Variants in NSUN3 observed in about 807,000 individuals in gnomAD.
NSUN3 encodes tRNA (cytosine(34)-C(5))-methyltransferase, mitochondrial.
Under a neutral mutation model 36.8 loss-of-function variants are expected in NSUN3, and 24 were observed. That is an observed-to-expected ratio of 0.65 (90% CI 0.47 to 0.92). The LOEUF is 0.92. Ranked by LOEUF, NSUN3 falls within the 40% of genes least tolerant of loss-of-function variation. NSUN3 has a pLI of 0.00. For synonymous variants in NSUN3, 146 were observed against 145.2 expected, an observed-to-expected ratio of 1.01 and a Z score of -0.04; for missense variants, 381 against 392.8, an observed-to-expected ratio of 0.97 and a Z score of 0.25.
chr3:94,076,207 T>C, intron 2 of NSUN3: 1 of 918,058 alleles, frequency 1.1e-6, no homozygotes, highest in Non-Finnish European at 1.8e-6. Flanking sequence ...CACTGTGAGG[T>C]GACTACTGAA....
chr3:94,064,496 T>G lies in NSUN3; in HGVS notation c.72T>G (p.His24Gln). Reference protein sequence around the residue: ...AKQICKVVLDHFEKQYSKELG... With the variant: ...AKQICKVVLDQFEKQYSKELG... ...AGATTTGCAAAGTTGTGTTGGATCA[T>G]TTTGAAAAACAGTATTCCAAAGAAC... The change falls in exon 2 of 6, where the codon CAT (histidine) becomes CAG (glutamine). Residue 24 changes from histidine (H) to glutamine (Q), a missense_variant. Transcript: ENST00000314622. The G allele has an allele frequency of 6.2e-7, 1 of 1,613,890 alleles. No homozygotes were observed. Among genetic ancestry groups the G allele is most frequent in the Non-Finnish European group, 8.5e-7 (1 of 1,179,810 alleles).
chr3:94,065,506 T>A (rs1277930254), intron 2 of NSUN3, among the ~76,000 whole-genome samples: 1 of 152,238 alleles, frequency 6.6e-6, no homozygotes, highest in Non-Finnish European at 1.5e-5. Context: ...TGGTCCAGAC[T>A]AATTTTTCAG....
intron 2 of NSUN3, chr3:94,075,921 C>T: frequency 1.4e-6 from 2 of 1,439,586 alleles, no homozygotes; most frequent in South Asian, 1.1e-5. Flanking sequence ...GGACCCTTGT[C>T]CTTCTGGATC....
At chr3:94,089,796 A>C (rs2077307261) in intron 3 of NSUN3, among the ~76,000 whole-genome samples, 1 of 152,174 alleles carries the variant, frequency 6.6e-6, no homozygotes, top group Admixed American at 6.5e-5. Flanking sequence ...CTTGCTCTAA[A>C]GCTTTTGAAT....
intron 2 of NSUN3, among the ~76,000 whole-genome samples, chr3:94,070,254 G>C (rs2077220003): frequency 6.6e-6 from 1 of 152,124 alleles, no homozygotes; most frequent in African/African-American, 2.4e-5. Context: ...TTGAGGACAA[G>C]AGTTCAAGAC....
intron 5 of NSUN3, among the ~76,000 whole-genome samples, chr3:94,124,814 A>G (rs941296546): frequency 6.6e-6 from 1 of 152,086 alleles, no homozygotes; most frequent in African/African-American, 2.4e-5. Flanking sequence ...ATGAGGTGAA[A>G]GATTTTTTTG....
chr3:94,103,952 C>A (rs2077376281), intron 5 of NSUN3, among the ~76,000 whole-genome samples: 1 of 152,126 alleles, frequency 6.6e-6, no homozygotes, highest in Non-Finnish European at 1.5e-5. Flanking sequence ...CCAATTAAAT[C>A]TTCTCATAAA....
intron 2 of NSUN3, among the ~76,000 whole-genome samples, chr3:94,067,221 A>G (rs1365642169): frequency 6.6e-6 from 1 of 152,188 alleles, no homozygotes; most frequent in African/African-American, 2.4e-5. Context: ...ATACTGTCAT[A>G]CATTACTGCC....
At chr3:94,071,760 T>A (rs1262234694) in intron 2 of NSUN3, among the ~76,000 whole-genome samples, 1 of 152,224 alleles carries the variant, frequency 6.6e-6, no homozygotes, top group Non-Finnish European at 1.5e-5. Flanking sequence ...TCAGACTAAC[T>A]GTGAATCTTG....
chr3:94,082,248 C>G (rs1367968986), intron 2 of NSUN3: 1 of 152,132 alleles, frequency 6.6e-6, no homozygotes. Flanking sequence ...AGCAGTCTCC[C>G]CCAAAGTGTG....
intron 3 of NSUN3, among the ~76,000 whole-genome samples, chr3:94,090,032 T>C (rs1449999103): frequency 6.6e-6 from 1 of 152,100 alleles, no homozygotes; most frequent in African/African-American, 2.4e-5. Context: ...CTCCAAATAA[T>C]TGGAAAAACT....
intron 3 of NSUN3, among the ~76,000 whole-genome samples, chr3:94,093,379 C>T (rs1560035013): frequency 6.6e-6 from 1 of 151,502 alleles, no homozygotes; most frequent in Non-Finnish European, 1.5e-5. Context: ...AAAGGCTTTA[C>T]AATGTTTTTT....
intron 3 of NSUN3, among the ~76,000 whole-genome samples, chr3:94,091,033 T>C (rs982560892): frequency 1.3e-5 from 2 of 152,176 alleles, no homozygotes; most frequent in Non-Finnish European, 2.9e-5. Flanking sequence ...AATATTATAA[T>C]TGGAATAATG....
intron 5 of NSUN3, among the ~76,000 whole-genome samples, chr3:94,117,984 T>C (rs2077447163): frequency 6.6e-6 from 1 of 152,150 alleles, no homozygotes; most frequent in Non-Finnish European, 1.5e-5. Context: ...GTTTAATGGG[T>C]ACAAAAATAC....
chr3:94,123,088 A>C (rs912835736), intron 5 of NSUN3, among the ~76,000 whole-genome samples: 2 of 152,154 alleles, frequency 1.3e-5, no homozygotes, highest in Non-Finnish European at 2.9e-5. Context: ...CCAATTATGT[A>C]TACCAAATCT....
At chr3:94,076,664 A>G in intron 2 of NSUN3, 1 of 1,105,816 alleles carries the variant, frequency 9.0e-7, no homozygotes, top group Admixed American at 1.7e-5. Context: ...ATGGAGACGC[A>G]AGTCTGAGTT....
chr3:94,095,176 G>A, intron 5 of NSUN3, 22 bp downstream of exon 5: 1 of 1,606,676 alleles, frequency 6.2e-7, no homozygotes, highest in Non-Finnish European at 8.5e-7. Context: ...TAATACAAAA[G>A]TGTATTTTGG....
At chr3:94,076,338 T>C (rs1576082778) in intron 2 of NSUN3, 10 of 835,892 alleles carry the variant, frequency 1.2e-5, no homozygotes, top group East Asian at 4.8e-5. Flanking sequence ...ACTATAAGGA[T>C]TGAAAGGCAG....
At chr3:94,084,043 A>G in intron 2 of NSUN3, 64 bp from the exon 3 acceptor site, 1 of 1,177,016 alleles carries the variant, frequency 8.5e-7, no homozygotes, top group Non-Finnish European at 1.2e-6. Context: ...CTGATTCGTA[A>G]TATAAAATTG....
Sources: gnomAD v4.1 joint callset for allele counts (sites outside exome capture counted in the v4.1 genomes callset) on GRCh38, gnomAD v4.1.1 for gene constraint, MANE v1.5 for transcripts, NCBI Gene and HGNC (gene_info 2026-07-23, HGNC 2026-07-21) for gene names.